The following DNAH6 variants were observed in gnomAD, a reference collection of about 807,000 sequenced individuals.
DNAH6 encodes the protein axonemal beta dynein heavy chain 6.
In DNAH6, 340 loss-of-function variants were observed where a neutral mutation model predicts 491.4. The observed-to-expected ratio is 0.69, with a 90% CI of 0.63 to 0.76. The LOEUF (loss-of-function observed/expected upper bound fraction) is 0.76, where lower values mean the gene tolerates loss of function less well. Among genes scored for constraint, DNAH6 ranks in the 30% least tolerant of loss-of-function variants. The pLI, the probability that DNAH6 is intolerant of heterozygous loss-of-function variation, is 0.00. For missense variants in DNAH6, 4,443 were observed against 4,972.2 expected, an observed-to-expected ratio of 0.89 and a Z score of 3.20; for synonymous variants, 1,603 against 1,686.1, an observed-to-expected ratio of 0.95 and a Z score of 1.21.
chr2:84,659,033 C>A lies in DNAH6; in HGVS notation c.5948C>A (p.Thr1983Lys). The change falls in exon 37 of 77, where the codon ACA becomes AAA. Residue 1983 changes from threonine to lysine, a missense_variant. This residue lies in a region of DNAH6 where 2,977 missense variants were observed against 3,296.6 expected (regional missense o/e 0.90). Coordinates refer to ENST00000389394, the MANE Select transcript of DNAH6 (RefSeq NM_001370.2). ...KDGVNLAMEQ[T>K]KLNTILCQTF... ...TTCTCTTTATTCTTTCAGGAACAAA[C>A]AAAATTGAACACTATACTATGTCAG... The A allele has an allele frequency of 2.1e-6, 3 of 1,429,500 alleles. No homozygotes were observed. Among genetic ancestry groups the A allele is most frequent in the Non-Finnish European group, 2.8e-6 (3 of 1,056,792 alleles). The allele number at this position is 1,429,500 out of a possible 1,614,324, so 88.6% of individuals were successfully genotyped here.
chr2:84,628,936 G>A (rs1688133237), intron 29 of DNAH6, among the ~76,000 whole-genome samples: 1 of 152,132 alleles, frequency 6.6e-6, no homozygotes, highest in South Asian at 2.1e-4. Context: ...CTCTTCACCA[G>A]GGGTAACTTC....
chr2:84,533,693 A>G (rs1462770960), intron 4 of DNAH6, among the ~76,000 whole-genome samples: 1 of 152,148 alleles, frequency 6.6e-6, no homozygotes, highest in Admixed American at 6.6e-5. Flanking sequence ...TCCAAATTTA[A>G]CCAAAGAGCT....
chr2:84,558,163 C>T (rs1339131473), intron 11 of DNAH6, among the ~76,000 whole-genome samples: 1 of 152,120 alleles, frequency 6.6e-6, no homozygotes, highest in East Asian at 1.9e-4. Flanking sequence ...CACAGTGGCT[C>T]ACACCTGTAA....
chr2:84,545,373 G>C (rs1037699198), intron 5 of DNAH6, among the ~76,000 whole-genome samples: 1 of 152,106 alleles, frequency 6.6e-6, no homozygotes, highest in Non-Finnish European at 1.5e-5. Context: ...AGTCCTTCTT[G>C]ACATGAAACT....
chr2:84,757,037 T>G (rs767413679), intron 63 of DNAH6, among the ~76,000 whole-genome samples: 4 of 152,198 alleles, frequency 2.6e-5, no homozygotes, highest in Non-Finnish European at 5.9e-5. Context: ...AATCCAGACA[T>G]GGGATTTTGC....
At chr2:84,478,100 T>G in the DNAH6 span, among the ~76,000 whole-genome samples, 2 of 152,174 alleles carry the variant, frequency 1.3e-5, no homozygotes, top group African/African-American at 4.8e-5. Flanking sequence ...TACTAATCCC[T>G]TCATAAAACC....
At chr2:84,547,672 T>C in intron 7 of DNAH6, 60 bp downstream of exon 7, 6 of 1,494,816 alleles carry the variant, frequency 4.0e-6, no homozygotes, top group South Asian at 1.3e-5. Context: ...ATTTCAGCCC[T>C]TTTTTATTTG....
chr2:84,694,187 GCT>G, intron 45 of DNAH6, 60 bp from the exon 46 acceptor site: 1 of 1,453,688 alleles, frequency 6.9e-7, no homozygotes, highest in South Asian at 1.2e-5. Context: ...TCTGGGGCAG[GCT>G]CTCTGAGCAG....
chr2:84,462,179 C>A, the DNAH6 span, among the ~76,000 whole-genome samples: 1 of 152,240 alleles, frequency 6.6e-6, no homozygotes, highest in African/African-American at 2.4e-5. Flanking sequence ...CTCTGAGGCT[C>A]ACCTGAGACA....
At chr2:84,558,243 C>T (rs938881992) in intron 11 of DNAH6, among the ~76,000 whole-genome samples, 1 of 151,930 alleles carries the variant, frequency 6.6e-6, no homozygotes, top group Admixed American at 6.6e-5. Context: ...CTGGCTAACA[C>T]ATTGAAACCC....
intron 64 of DNAH6, chr2:84,777,556 G>A: frequency 1.3e-6 from 1 of 775,590 alleles, no homozygotes; most frequent in South Asian, 1.4e-5. Flanking sequence ...CCACCTACTT[G>A]TGAACCTCTT....
chr2:84,604,229 G>C, intron 18 of DNAH6, 110 bp from the exon 19 acceptor site: 1 of 797,760 alleles, frequency 1.3e-6, no homozygotes, highest in Non-Finnish European at 2.0e-6. Context: ...TGGAAAGAGG[G>C]TAAGTGGTGC....
chr2:84,626,156 A>AT (rs1467366317), intron 29 of DNAH6, among the ~76,000 whole-genome samples: 1 of 151,568 alleles, frequency 6.6e-6, no homozygotes, highest in Non-Finnish European at 1.5e-5. Context: ...GTTTGGCTTT[A>AT]TTTTTTCTGG....
intron 33 of DNAH6, among the ~76,000 whole-genome samples, chr2:84,645,436 A>G (rs1216332620): frequency 1.3e-5 from 2 of 152,106 alleles, no homozygotes; most frequent in Non-Finnish European, 2.9e-5. Flanking sequence ...TAATAATAAT[A>G]ATAATAGCCA....
intron 71 of DNAH6, 141 bp from the exon 72 acceptor site, chr2:84,808,274 C>T: frequency 2.2e-6 from 2 of 907,652 alleles, no homozygotes; most frequent in South Asian, 4.3e-5. Context: ...ATAGAAACAT[C>T]ACATTTAAAT....
chr2:84,471,815 A>G, the DNAH6 span, among the ~76,000 whole-genome samples: 99 of 152,332 alleles, frequency 6.5e-4, no homozygotes, highest in African/African-American at 2.2e-3. Context: ...GCCACTGATA[A>G]TGAGAAACAG....
chr2:84,595,684 T>C lies in DNAH6; in HGVS notation c.2763T>C (p.Gly921=), dbSNP rs956301763. The C allele has an allele frequency of 6.4e-7, 1 of 1,550,972 alleles. No individual in the cohort carries two copies. Among genetic ancestry groups the C allele is most frequent in the Non-Finnish European group, 8.7e-7 (1 of 1,146,636 alleles). Residue 921 remains glycine, a synonymous_variant, in exon 18 of 77, where the codon GGT becomes GGC. Transcript: ENST00000389394. ...FDCLDPEVLN[G]QVSKYAKFVT... ...GCCTGGATCCAGAAGTCCTAAACGG[T>C]CAAGTTTCTAAATATGCTAAATTTG...
intron 15 of DNAH6, among the ~76,000 whole-genome samples, chr2:84,587,585 C>T (rs570884493): frequency 3.3e-5 from 5 of 152,352 alleles, no homozygotes; most frequent in African/African-American, 1.2e-4. Context: ...TCAAGACCCT[C>T]ATTCCTGCTG....
the DNAH6 span, among the ~76,000 whole-genome samples, chr2:84,471,053 C>A: frequency 6.6e-6 from 1 of 152,116 alleles, no homozygotes; most frequent in African/African-American, 2.4e-5. Flanking sequence ...TACAATTGAT[C>A]TAGGAGCCTG....
Sources: allele counts gnomAD v4.1 joint callset (sites outside exome capture counted in the v4.1 genomes callset), GRCh38; gene constraint gnomAD v4.1.1; regional missense constraint gnomAD v4.1.1; transcripts MANE v1.5; gene names NCBI Gene and HGNC (gene_info 2026-07-23, HGNC 2026-07-21).